RNF123: variants seen among roughly 807,000 people sequenced by gnomAD.
The protein encoded by RNF123 is E3 ubiquitin-protein ligase RNF123.
Under a neutral mutation model 168.5 loss-of-function variants are expected in RNF123, and 86 were observed. The observed-to-expected ratio is 0.51, with a 90% CI of 0.43 to 0.61. RNF123 has a LOEUF of 0.61. Ranked by LOEUF, RNF123 falls within the 20% of genes least tolerant of loss-of-function variation. The pLI is 0.00. For missense variants in RNF123, 1,419 were observed against 1,729.7 expected, an observed-to-expected ratio of 0.82 and a Z score of 3.19; for synonymous variants, 666 against 689.1, an observed-to-expected ratio of 0.97 and a Z score of 0.52.
rs746432495 is a variant in RNF123, at chr3:49,704,768, G to C, written c.1959+12G>C. The C allele has an allele frequency of 6.4e-6, 10 of 1,561,830 alleles. No homozygotes were observed. In the African/African-American group the frequency reaches 8.1e-5, roughly 13 times the overall value. ...CAGCTATGGCCCAGGTGCCGCAGTG[G>C]GGGCAGGCGGTGGGATTTGTGTTGG... On this transcript the variant is annotated intron_variant, in intron 22 of 38. Transcript: ENST00000327697.
chr3:49,695,203 A>G (rs1025289086), intron 3 of RNF123, among the ~76,000 whole-genome samples: 1 of 152,204 alleles, frequency 6.6e-6, no homozygotes, highest in African/African-American at 2.4e-5. Context: ...CCCAGGCTCA[A>G]GGAATCCTCC....
intron 27 of RNF123, 169 bp from the exon 28 acceptor site, chr3:49,713,344 A>C (rs1575537060): frequency 3.1e-6 from 2 of 646,898 alleles, no homozygotes; most frequent in Non-Finnish European, 5.4e-6. Context: ...TAGCCCTTGC[A>C]CAGCCACCAA....
chr3:49,697,285 A>G, intron 4 of RNF123, 63 bp downstream of exon 4: 1 of 1,594,222 alleles, frequency 6.3e-7, no homozygotes, highest in Non-Finnish European at 8.6e-7. Flanking sequence ...GGGCCTGGAG[A>G]CGTCTGGTGA....
At position 49,699,357 on chromosome 3, in the gene RNF123, T is replaced by A; in HGVS notation, c.765-111T>A. On this transcript the variant is annotated intron_variant, in intron 10 of 38. Transcript: ENST00000327697. The surrounding 1 kb of genome is among the most constrained non-coding windows in gnomAD (Gnocchi z 4.8). ...GGGAGAATAAGTGGGCAAGTTGTGA[T>A]GCAAACCAGCCCTGCCCTAGAGCCC... The A allele has an allele frequency of 9.4e-7, 1 of 1,058,230 alleles. No homozygotes were observed. The highest frequency in any genetic ancestry group is 2.6e-5 in the East Asian group (1 of 38,288). The allele number at this position is 1,058,230 out of a possible 1,614,324, so 65.6% of individuals were successfully genotyped here.
rs375249179 is a variant in RNF123 at position 49,716,092 on chromosome 3, C to T, written c.3340-10C>T. ...CCCCATCCACCAATGGACTCCTGCT[C>T]CCCTCACAGCTGCTAAACCAGGTGC... is the stretch of plus-strand genomic sequence containing the variant. On this transcript the variant is annotated splice_polypyrimidine_tract_variant and intron_variant, in intron 33 of 38. Transcript: ENST00000327697. 3 of 1,613,632 alleles carry T rather than the reference C, an allele frequency of 1.9e-6. No individual in the cohort carries two copies. In the African/African-American group the frequency reaches 4.0e-5, roughly 22 times the overall value.
Position 49,712,614 on chromosome 3 carries a change from A to G in RNF123, c.2632A>G (p.Lys878Glu). 1 of 1,614,166 alleles carries G rather than the reference A, an allele frequency of 6.2e-7. No individual in the cohort carries two copies. Among genetic ancestry groups the G allele is most frequent in the Non-Finnish European group, 8.5e-7 (1 of 1,180,024 alleles). ...GGCCATCAACAGCTACAGTGCTCTC[A>G]AGAATTACTTTGGTCCCGTGCACAG... ...SVAINSYSAL[K>E]NYFGPVHSME... is the part of the protein sequence containing the mutation. Residue 878 changes from lysine (K) to glutamate (E), a missense_variant, in exon 27 of 39, where the codon AAG becomes GAG. Around this residue, in one of 5 missense-constraint regions of RNF123, gnomAD observed 538 missense variants for 708.8 expected, o/e 0.76. Coordinates refer to ENST00000327697, the MANE Select transcript of RNF123 (RefSeq NM_022064.5).
At chr3:49,693,523 A>G (rs1198645892) in intron 3 of RNF123, among the ~76,000 whole-genome samples, 4 of 151,030 alleles carry the variant, frequency 2.6e-5, no homozygotes, top group African/African-American at 4.9e-5. Flanking sequence ...CACCCAGTTA[A>G]TTTTGGTATT....
Position 49,715,825 on chromosome 3 carries a change from C to T in RNF123, c.3154C>T (p.Gln1052Ter). 6.2e-7 allele frequency: 1 copy of T among 1,614,026 alleles called. No individual in the cohort carries two copies. The highest frequency in any genetic ancestry group is 8.5e-7 in the Non-Finnish European group (1 of 1,179,980). The change falls in exon 33 of 39, where the codon CAG (glutamine) becomes TAG (stop). Residue 1052 changes from glutamine to a stop codon, truncating the protein, a stop_gained. Transcript: ENST00000327697. LOFTEE classifies it high-confidence loss of function. ...SEFIGMIQEIQQAAERLERNF... is the reference protein window; with the variant it reads ...SEFIGMIQEI ...TGCCCACGTGTTGGTGGCTCAGATC[C>T]AGCAGGCTGCTGAGCGCCTGGAGCG...
Position 49,691,231 on chromosome 3 carries a change from G to A in RNF123, c.66G>A (p.Glu22=). Reference sequence around the variant, plus strand: ...GCTATAGGCTGACCTCAGATGCTGAGAAATCCAGGGTCACAGGTAAGAGCT... The same window carrying A: ...GCTATAGGCTGACCTCAGATGCTGAAAAATCCAGGGTCACAGGTAAGAGCT... ...RKSYRLTSDA[E]KSRVTGIVQE... The change falls in exon 2 of 39, where the codon GAG becomes GAA. Residue 22 remains glutamate (E), a synonymous_variant. Coordinates refer to ENST00000327697, the MANE Select transcript of RNF123 (RefSeq NM_022064.5). The A allele has an allele frequency of 6.2e-7, 1 of 1,613,956 alleles. No homozygotes were observed. The highest frequency in any genetic ancestry group is 1.1e-5 in the South Asian group (1 of 91,082).
At chr3:49,702,252 G>T in intron 18 of RNF123, 82 bp from the exon 19 acceptor site, 1 of 1,585,470 alleles carries the variant, frequency 6.3e-7, no homozygotes, top group South Asian at 1.1e-5. Context: ...GGCAGGGGCT[G>T]GGGGAAGGTG....
chr3:49,694,145 C>T (rs2054222406), intron 3 of RNF123, among the ~76,000 whole-genome samples: 1 of 152,118 alleles, frequency 6.6e-6, no homozygotes, highest in Non-Finnish European at 1.5e-5. Context: ...TCAGATTATG[C>T]TGTATAGAAA....
In RNF123 at chr3:49,715,656, A is replaced by C. The variant is rs1216345247; in HGVS notation, c.3092A>C (p.Asn1031Thr). The C allele has an allele frequency of 6.2e-7, 1 of 1,614,184 alleles. No individual in the cohort carries two copies. Among genetic ancestry groups the C allele is most frequent in the Non-Finnish European group, 8.5e-7 (1 of 1,180,032 alleles). ...CCTGATGTGGCACCCAGCTTCCTCA[A>C]CAGCGTCCTCAATCAGCTCAACTGG... ...QGPDVAPSFL[N>T]SVLNQLNWAF... Residue 1031 changes from asparagine to threonine, a missense_variant, in exon 32 of 39, where the codon AAC becomes ACC. By Grantham distance (65) the Asn-to-Thr change is moderately conservative (BLOSUM62 0). Coordinates refer to ENST00000327697, the MANE Select transcript of RNF123 (RefSeq NM_022064.5).
rs1049182402 is a variant in RNF123, at chr3:49,720,571, C to T, written c.3561C>T (p.Cys1187=). The T allele has an allele frequency of 1.9e-6, 3 of 1,612,096 alleles. No homozygotes were observed. Among genetic ancestry groups the T allele is most frequent in the African/African-American group, 1.3e-5 (1 of 75,000 alleles). The part of the protein sequence containing the change: ...ADPCFQLRSI[C]YLLGQPEPPA... The stretch of plus-strand genomic sequence containing the variant: ...CCTGCTTCCAGCTACGCTCAATATG[C>T]TATCTCCTGGGACAGCCAGAGCCCC... The change falls in exon 36 of 39, where the codon TGC becomes TGT. Residue 1187 remains cysteine, a synonymous_variant. Coordinates refer to ENST00000327697, the MANE Select transcript of RNF123 (RefSeq NM_022064.5).
intron 2 of RNF123, 55 bp from the exon 3 acceptor site, chr3:49,691,370 G>A: frequency 1.2e-6 from 2 of 1,604,364 alleles, no homozygotes; most frequent in South Asian, 1.1e-5. Flanking sequence ...GCCAGCAGGG[G>A]CCAGGAGCTG....
chr3:49,700,071 C>A, intron 12 of RNF123, 156 bp from the exon 13 acceptor site: 1 of 1,078,304 alleles, frequency 9.3e-7, no homozygotes. Flanking sequence ...CTTCTTGTCC[C>A]TCAGTCAGAC....
chr3:49,720,597 C>T lies in RNF123; in HGVS notation c.3587C>T (p.Pro1196Leu). The part of the protein sequence containing the change: ...ICYLLGQPEP[P>L]APGTALPAPD... ...TATCTCCTGGGACAGCCAGAGCCCC[C>T]AGCACCTGGCACTGCTCTGCCAGCC... The change falls in exon 36 of 39, where the codon CCA (proline) becomes CTA (leucine). Residue 1196 changes from proline to leucine, a missense_variant. Physicochemically the swap from Pro to Leu is moderately conservative, Grantham distance 98 (BLOSUM62 -3). This residue lies in a region of RNF123 where 164 missense variants were observed against 152.3 expected (regional missense o/e 1.08). Coordinates refer to ENST00000327697, the MANE Select transcript of RNF123 (RefSeq NM_022064.5). The T allele has an allele frequency of 6.2e-7, 1 of 1,611,198 alleles. No homozygotes were observed. Among genetic ancestry groups the T allele is most frequent in the Non-Finnish European group, 8.5e-7 (1 of 1,178,188 alleles).
intron 35 of RNF123, chr3:49,719,550 G>A: frequency 8.4e-7 from 1 of 1,191,172 alleles, no homozygotes; most frequent in Non-Finnish European, 1.2e-6. Context: ...AGTGCGACAT[G>A]GGTGGCACCG....
In RNF123 at chr3:49,721,332, C is replaced by T; in HGVS notation, c.*27C>T. On this transcript the variant is annotated 3_prime_UTR_variant, in exon 39 of 39. Coordinates refer to ENST00000327697, the MANE Select transcript of RNF123 (RefSeq NM_022064.5). ...CCTCACAGCCTGTGCCATCCTGGAACCTCCACCTTTGAACCCAGAGCCAGG... is the reference window on the plus strand; with the variant it reads ...CCTCACAGCCTGTGCCATCCTGGAATCTCCACCTTTGAACCCAGAGCCAGG... The T allele has an allele frequency of 6.2e-7, 1 of 1,614,090 alleles. No individual in the cohort carries two copies. Among genetic ancestry groups the T allele is most frequent in the Non-Finnish European group, 8.5e-7 (1 of 1,179,960 alleles).
At chr3:49,692,310 C>G (rs1311471451) in intron 3 of RNF123, among the ~76,000 whole-genome samples, 3 of 152,158 alleles carry the variant, frequency 2.0e-5, no homozygotes, top group Non-Finnish European at 2.9e-5. Flanking sequence ...AAATGTGATT[C>G]TTTTCTGTTT....
Sources: allele counts gnomAD v4.1 joint callset (sites outside exome capture counted in the v4.1 genomes callset), GRCh38; gene constraint gnomAD v4.1.1; regional missense constraint gnomAD v4.1.1; non-coding constraint Gnocchi (gnomAD v3.1); transcripts MANE v1.5; gene names NCBI Gene and HGNC (gene_info 2026-07-23, HGNC 2026-07-21).